Variants in THSD4 observed in about 807,000 individuals in gnomAD.
THSD4 encodes the protein thrombospondin type 1 domain containing 4.
In THSD4, 69 loss-of-function variants were observed where a neutral mutation model predicts 119.0. That is an observed-to-expected ratio of 0.58 (90% confidence interval 0.48 to 0.71). The LOEUF (loss-of-function observed/expected upper bound fraction) is 0.71, where lower values mean the gene tolerates loss of function less well. Ranked by LOEUF, THSD4 falls within the 30% of genes least tolerant of loss-of-function variation. The probability of loss-of-function intolerance (pLI) is 0.00; values close to 1 mark genes in which losing one functional copy is unlikely to be tolerated. For missense variants in THSD4, 1,393 were observed against 1,391.1 expected (o/e 1.00, Z -0.02); for synonymous variants, 524 against 540.4 (o/e 0.97, Z 0.42).
At chr15:71,526,118 A>G (rs1159106754) in intron 7 of THSD4, among the ~76,000 whole-genome samples, 1 of 152,172 alleles carries the variant, frequency 6.6e-6, no homozygotes, top group Non-Finnish European at 1.5e-5. Flanking sequence ...TAGGCTGGGG[A>G]CAATGCCACA....
chr15:71,444,858 T>C (rs2047157913), intron 7 of THSD4, among the ~76,000 whole-genome samples: 1 of 152,234 alleles, frequency 6.6e-6, no homozygotes, highest in Non-Finnish European at 1.5e-5. Flanking sequence ...AGCTTTCATT[T>C]TACCGTCAGA....
chr15:71,373,628 A>G (rs1326274815), intron 6 of THSD4, among the ~76,000 whole-genome samples: 2 of 152,190 alleles, frequency 1.3e-5, no homozygotes, highest in African/African-American at 4.8e-5. Flanking sequence ...ACAGCTTCGA[A>G]TGGTGGTCAG....
At chr15:71,165,802 C>T (rs370467624) in intron 3 of THSD4, among the ~76,000 whole-genome samples, 1 of 152,108 alleles carries the variant, frequency 6.6e-6, no homozygotes, top group Non-Finnish European at 1.5e-5. Flanking sequence ...GGTGGGCCAG[C>T]AGGCTGTTTG....
chr15:71,425,484 C>T (rs1287644865), intron 7 of THSD4, among the ~76,000 whole-genome samples: 2 of 152,114 alleles, frequency 1.3e-5, no homozygotes, highest in African/African-American at 4.8e-5. Context: ...GACTAAATTC[C>T]ACCTGCAGCT....
chr15:71,580,968 A>G (rs556449756), intron 7 of THSD4, among the ~76,000 whole-genome samples: 45 of 152,278 alleles, frequency 3.0e-4, no homozygotes, highest in African/African-American at 9.6e-4. Context: ...CCATCAATGG[A>G]CACTTAAGTT....
intron 1 of THSD4, among the ~76,000 whole-genome samples, chr15:71,126,295 G>C (rs1395693801): frequency 6.6e-6 from 1 of 152,128 alleles, no homozygotes; most frequent in Non-Finnish European, 1.5e-5. Context: ...GCCCCTCCAA[G>C]CCAGGGACAT....
intron 7 of THSD4, among the ~76,000 whole-genome samples, chr15:71,501,646 T>C (rs932662227): frequency 1.3e-5 from 2 of 152,252 alleles, no homozygotes; most frequent in African/African-American, 4.8e-5. Flanking sequence ...AAACCTTGTA[T>C]CTTTTGAACA....
In THSD4 at chr15:71,511,898, C is replaced by T. The variant is rs1005497080; in HGVS notation, c.1152+100075C>T. ...CAGAGACGGTGTCGGGAATTTTATTCAGTTAGTGTTTATAAAGGATCTTTA... is the reference window on the plus strand; with the variant it reads ...CAGAGACGGTGTCGGGAATTTTATTTAGTTAGTGTTTATAAAGGATCTTTA... On this transcript the variant is annotated intron_variant, in intron 7 of 17. Transcript: ENST00000261862. Among the ~76,000 whole-genome samples the T allele has an allele frequency of 7.8e-4, 118 of 152,070 alleles. 1 individual carries two copies. Among genetic ancestry groups the T allele is most frequent in the Non-Finnish European group, 1.9e-4 (13 of 67,996 alleles).
At chr15:71,299,632 A>G (rs1481783442) in intron 6 of THSD4, among the ~76,000 whole-genome samples, 1 of 152,222 alleles carries the variant, frequency 6.6e-6, no homozygotes, top group East Asian at 1.9e-4. Context: ...TCTATTGCAC[A>G]GCATCATGAC....
chr15:71,404,678 T>C (rs2046580835), intron 6 of THSD4, among the ~76,000 whole-genome samples: 2 of 152,186 alleles, frequency 1.3e-5, no homozygotes, highest in Admixed American at 6.5e-5. Context: ...AGTACCCTCA[T>C]GAAAGAGACT....
Position 71,244,219 on chromosome 15 carries a change from C to T in THSD4, c.912+1123C>T, listed in dbSNP as rs545080056. Among the ~76,000 whole-genome samples the T allele has an allele frequency of 1.4e-3, 220 of 152,286 alleles. 9 individuals are homozygous for T. In the South Asian group the frequency reaches 0.045, roughly 31 times the overall value. ...CACAGCTAGTGAGTAGTAGAACCAA[C>T]TATCAATGTTAATTGTATATGGTGA... On this transcript the variant is annotated intron_variant, in intron 5 of 17. Transcript: ENST00000261862.
chr15:71,204,475 T>C (rs187244833), intron 3 of THSD4, among the ~76,000 whole-genome samples: 35 of 152,106 alleles, frequency 2.3e-4, no homozygotes, highest in Admixed American at 5.2e-4. Context: ...TTGAAGCGAA[T>C]CAATAAGTGG....
At chr15:71,665,609 T>G (rs919910311) in intron 8 of THSD4, among the ~76,000 whole-genome samples, 3 of 152,220 alleles carry the variant, frequency 2.0e-5, no homozygotes, top group Non-Finnish European at 4.4e-5. Context: ...TAGGTTGTCC[T>G]CTAGGGTTTT....
intron 7 of THSD4, among the ~76,000 whole-genome samples, chr15:71,432,104 T>C (rs559775107): frequency 4.6e-5 from 7 of 152,234 alleles, no homozygotes; most frequent in African/African-American, 1.7e-4. Flanking sequence ...AGGACTCGCG[T>C]ACTATTTTGG....
chr15:71,520,800 T>C (rs1381523426), intron 7 of THSD4, among the ~76,000 whole-genome samples: 1 of 152,152 alleles, frequency 6.6e-6, no homozygotes, highest in South Asian at 2.1e-4. Context: ...ATATAGTGAG[T>C]GGTGGACCTG....
chr15:71,748,285 C>G, intron 13 of THSD4, 136 bp from the exon 14 acceptor site: 1 of 1,075,528 alleles, frequency 9.3e-7, no homozygotes, highest in Non-Finnish European at 1.3e-6. Flanking sequence ...GCTCAGATCC[C>G]TGCCCCAGCT....
intron 17 of THSD4, among the ~76,000 whole-genome samples, chr15:71,774,730 AAC>A (rs1159009743): frequency 6.6e-6 from 1 of 151,990 alleles, no homozygotes; most frequent in Non-Finnish European, 1.5e-5. Context: ...TGCCCCTATG[AAC>A]AGTCACGGCA....
Position 71,400,041 on chromosome 15 carries a change from A to G in THSD4, c.1016-11646A>G, listed in dbSNP as rs191966638. On this transcript the variant is annotated intron_variant, in intron 6 of 17. Transcript: ENST00000261862. Reference sequence around the variant, plus strand: ...AGAAAAACAAAATAAAAATTTAAAAAGAAATTTTTGTTCACTGTTTCTAAT... The same window carrying G: ...AGAAAAACAAAATAAAAATTTAAAAGGAAATTTTTGTTCACTGTTTCTAAT... Among the ~76,000 whole-genome samples the G allele has an allele frequency of 1.2e-3, 189 of 152,316 alleles. 1 individual carries two copies. Among genetic ancestry groups the G allele is most frequent in the African/African-American group, 4.5e-3 (186 of 41,574 alleles).
At chr15:71,364,086 G>T (rs995401633) in intron 6 of THSD4, among the ~76,000 whole-genome samples, 1 of 152,206 alleles carries the variant, frequency 6.6e-6, no homozygotes, top group East Asian at 1.9e-4. Flanking sequence ...GGGAATACAA[G>T]GTGAAAAGAG....
Sources: gnomAD v4.1 joint callset for allele counts (sites outside exome capture counted in the v4.1 genomes callset) on GRCh38, gnomAD v4.1.1 for gene constraint, MANE v1.5 for transcripts, NCBI Gene and HGNC (gene_info 2026-07-23, HGNC 2026-07-21) for gene names.